The following HK1 variants were observed in gnomAD, a reference collection of about 807,000 sequenced individuals.
The protein encoded by HK1 is hexokinase 1.
In HK1, 28 loss-of-function variants were observed where a neutral mutation model predicts 91.6. That is an observed-to-expected ratio of 0.31 (90% CI 0.23 to 0.42). The LOEUF (loss-of-function observed/expected upper bound fraction) is 0.42. Among genes scored for constraint, HK1 ranks in the 10% least tolerant of loss-of-function variants. HK1 has a pLI of 1.00. For missense variants in HK1, 770 were observed against 1,219.8 expected, an observed-to-expected ratio of 0.63 and a Z score of 5.49; for synonymous variants, 430 against 468.1, an observed-to-expected ratio of 0.92 and a Z score of 1.05.
At chr10:69,334,443 C>G (rs367660975) in intron 1 of HK1, among the ~76,000 whole-genome samples, 5 of 152,254 alleles carry the variant, frequency 3.3e-5, no homozygotes, top group African/African-American at 1.2e-4. Flanking sequence ...TCCCTCTGGG[C>G]CTCAGCCATG....
At chr10:69,394,263 G>GTGTGTTGTGGTCACTGAAT (rs1459834299) in intron 15 of HK1, among the ~76,000 whole-genome samples, 5 of 152,254 alleles carry the variant, frequency 3.3e-5, no homozygotes, top group Non-Finnish European at 5.9e-5. Flanking sequence ...TTGACCTCCA[G>GTGTGTTGTGGTCACTGAAT]TGTGTTGTGG....
intron 1 of HK1, among the ~76,000 whole-genome samples, chr10:69,320,702 G>C (rs1283532343): frequency 6.6e-6 from 1 of 151,972 alleles, no homozygotes; most frequent in African/African-American, 2.4e-5. Flanking sequence ...GGGGGTGCCT[G>C]GGTGACCTTG....
intron 17 of HK1, 91 bp downstream of exon 17, chr10:69,398,919 C>A: frequency 1.0e-6 from 1 of 987,592 alleles, no homozygotes; most frequent in Non-Finnish European, 1.6e-6. Flanking sequence ...TGGGGAAATG[C>A]CCTGCGGGAG....
chr10:69,385,387 C>A lies in HK1; in HGVS notation c.1839+472C>A, dbSNP rs1020018147. 2.6e-5 allele frequency among the ~76,000 whole-genome samples: 4 copies of A among 152,312 alleles called. No homozygotes were observed. The South Asian group carries it at 8.3e-4, about 32-fold the overall frequency. On this transcript the variant is annotated intron_variant, in intron 12 of 17. Transcript: ENST00000359426. ...GGATCAGAGCTTGAGCACCTGCTGA[C>A]TACTGATTGGCTGGGCTCAGAGCTG... is the stretch of plus-strand genomic sequence containing the variant.
chr10:69,308,474 G>T lies in HK1; in HGVS notation c.27+7613G>T, dbSNP rs182278657. ...GTCATGATTGACTGAGCAAGCAGGG[G>T]GTATGTGACTGGGGGCTGCAGGCAC... On this transcript the variant is annotated intron_variant, in intron 5 of 21. Transcript: ENST00000360289. Among the ~76,000 whole-genome samples, 490 of 152,204 alleles carry T rather than the reference G, an allele frequency of 3.2e-3. 5 individuals are homozygous for T. Among genetic ancestry groups the T allele is most frequent in the African/African-American group, 0.011 (468 of 41,508 alleles).
intron 2 of HK1, among the ~76,000 whole-genome samples, chr10:69,353,714 C>T (rs1267387779): frequency 6.6e-6 from 1 of 152,016 alleles, no homozygotes; most frequent in Non-Finnish European, 1.5e-5. Flanking sequence ...CTGGGTGGCA[C>T]ATCTGGAGGG....
At chr10:69,397,829 G>A (rs1482309249) in intron 16 of HK1, among the ~76,000 whole-genome samples, 3 of 152,010 alleles carry the variant, frequency 2.0e-5, no homozygotes. Context: ...AGTTTATATG[G>A]CCAAAAAACA....
intron 4 of HK1, among the ~76,000 whole-genome samples, chr10:69,368,322 C>T (rs1849811107): frequency 2.0e-5 from 3 of 152,240 alleles, no homozygotes; most frequent in South Asian, 2.1e-4. Flanking sequence ...GCAGGTTTCT[C>T]CCCACCCTAT....
Position 69,382,734 on chromosome 10 carries a change from A to G in HK1, c.1513A>G (p.Asn505Asp), listed in dbSNP as rs777214992. ...MELGLRKQTH[N>D]NAVVKMLPSF... ...GCTGGGGCTGAGGAAGCAGACGCAC[A>G]ACAATGCCGTGGTTAAGATGCTGCC... Residue 505 changes from asparagine to aspartate, a missense_variant, in exon 10 of 18, where the codon AAC becomes GAC. By Grantham distance (23) the Asn-to-Asp change is conservative. Transcript: ENST00000359426. 31 of 1,613,304 alleles carry G rather than the reference A, an allele frequency of 1.9e-5. No homozygotes were observed. The highest frequency in any genetic ancestry group is 5.0e-5 in the Admixed American group (3 of 59,984).
intron 2 of HK1, among the ~76,000 whole-genome samples, chr10:69,350,033 G>T (rs1055865671): frequency 1.1e-4 from 17 of 152,144 alleles, no homozygotes; most frequent in Admixed American, 3.3e-4. Flanking sequence ...ACAGTGGCAG[G>T]GACGGCCCCT....
chr10:69,359,001 T>C (rs1030555186), intron 2 of HK1, among the ~76,000 whole-genome samples: 1 of 151,656 alleles, frequency 6.6e-6, no homozygotes, highest in African/African-American at 2.4e-5. Context: ...TGAGCTTTGA[T>C]CACACCACTG....
Position 69,386,433 on chromosome 10 carries a change from A to AC in HK1, c.1935+15_1935+16insC. On this transcript the variant is annotated intron_variant, in intron 13 of 17. Coordinates refer to ENST00000359426, the MANE Select transcript of HK1 (RefSeq NM_000188.3). ...AAAGGAGAGAGGTAACTATTAAAAG[A>AC]ATGTTTTTTAAAATCTTTACTGTTT... 6.3e-7 allele frequency: 1 copy of AC among 1,585,136 alleles called. No individual in the cohort carries two copies. Among genetic ancestry groups the AC allele is most frequent in the Non-Finnish European group, 8.7e-7 (1 of 1,154,200 alleles).
rs750113359 is a variant in HK1 at position 69,392,109 on chromosome 10, C to T, written c.2036-16C>T. The T allele has an allele frequency of 1.2e-5, 19 of 1,613,980 alleles. No individual in the cohort carries two copies. The highest frequency in any genetic ancestry group is 1.7e-4 in the Middle Eastern group (1 of 6,042). On this transcript the variant is annotated splice_polypyrimidine_tract_variant and intron_variant, in intron 14 of 17. Coordinates refer to ENST00000359426, the MANE Select transcript of HK1 (RefSeq NM_000188.3). ...TGCAAGGCCACCGCTCCTCATTGCCCCCTCGTGTGTTCCAGGGACCGGCAG... is the reference window on the plus strand; with the variant it reads ...TGCAAGGCCACCGCTCCTCATTGCCTCCTCGTGTGTTCCAGGGACCGGCAG...
At chr10:69,324,115 T>A (rs1161180671) in intron 1 of HK1, among the ~76,000 whole-genome samples, 1 of 152,190 alleles carries the variant, frequency 6.6e-6, no homozygotes. Flanking sequence ...CAGGCAGTCC[T>A]CCCGCCTTGG....
At chr10:69,297,407 C>CCTGCA (rs1264043785) in intron 4 of HK1, among the ~76,000 whole-genome samples, 2 of 152,074 alleles carry the variant, frequency 1.3e-5, no homozygotes, top group African/African-American at 4.8e-5. Context: ...TAAGCAAACT[C>CCTGCA]CTGCAGTGCA....
Position 69,343,841 on chromosome 10 carries a change from C to G in HK1, c.78C>G (p.Leu26=), listed in dbSNP as rs1133189. The change falls in exon 2 of 18, where the codon CTC becomes CTG. Residue 26 remains leucine, a synonymous_variant. Transcript: ENST00000359426. ...TCCCCCTCCAGATTGACAAGTATCT[C>G]TATGCCATGCGGCTCTCCGATGAAA... The part of the protein sequence containing the change: ...DDQVKKIDKY[L]YAMRLSDETL... 0.36 allele frequency: 584,118 copies of G among 1,610,334 alleles called. 109,887 individuals carry two copies. Among genetic ancestry groups the G allele is most frequent in the African/African-American group, 0.4 (30,125 of 74,822 alleles).
chr10:69,292,388 G>A (rs1279561056), intron 3 of HK1: 1 of 445,116 alleles, frequency 2.2e-6, no homozygotes, highest in African/African-American at 2.0e-5. Flanking sequence ...CCTTGATTAT[G>A]TGAGGTAGGA....
At chr10:69,295,347 C>T (rs183694120) in intron 3 of HK1, among the ~76,000 whole-genome samples, 9 of 152,326 alleles carry the variant, frequency 5.9e-5, no homozygotes, top group South Asian at 4.1e-4. Context: ...GGCCGAACCA[C>T]GGTTGTCTTT....
chr10:69,311,029 C>A (rs1285525672), upstream of HK1, among the ~76,000 whole-genome samples: 3 of 150,912 alleles, frequency 2.0e-5, no homozygotes, highest in Non-Finnish European at 4.4e-5. Flanking sequence ...TGCACTTCAG[C>A]CTGGGCAACA....
Sources: gnomAD v4.1 joint callset for allele counts (sites outside exome capture counted in the v4.1 genomes callset) on GRCh38, gnomAD v4.1.1 for gene constraint, MANE v1.5 for transcripts, NCBI Gene and HGNC (gene_info 2026-07-23, HGNC 2026-07-21) for gene names.